Variants in GPHN observed in about 807,000 individuals in gnomAD.
GPHN encodes gephyrin.
A neutral mutation model predicts 95.5 loss-of-function variants in GPHN; 17 were observed. That is an observed-to-expected ratio of 0.18 (90% CI 0.12 to 0.27). The LOEUF is 0.27. Ranked by LOEUF, GPHN falls within the 10% of genes least tolerant of loss-of-function variation. The pLI, the probability that GPHN is intolerant of heterozygous loss-of-function variation, is 1.00. For missense variants in GPHN, 660 were observed against 978.1 expected (o/e 0.67, Z 4.34); for synonymous variants, 320 against 322.5 (o/e 0.99, Z 0.08).
the GPHN span, chr14:67,384,459 C>T: frequency 4.6e-5 from 7 of 151,336 alleles, no homozygotes; most frequent in Non-Finnish European, 7.4e-5. Context: ...TTTGAAGTTA[C>T]AGCTACAGTA....
chr14:67,649,380 C>A, the GPHN span: 1 of 152,038 alleles, frequency 6.6e-6, no homozygotes, highest in Admixed American at 6.6e-5. Context: ...AGCCAGGTGT[C>A]CCAACTACTT....
the GPHN span, among the ~76,000 whole-genome samples, chr14:67,732,126 CAAAAAA>C: frequency 1.3e-5 from 1 of 77,528 alleles, no homozygotes; most frequent in African/African-American, 5.4e-5. Context: ...GACTCTGTCT[CAAAAAA>C]AAAAAAAAAA....
chr14:67,089,133 C>CTTTTTTTTTTTT (rs1163483546), intron 12 of GPHN, 58 bp downstream of exon 12: 186 of 200,308 alleles, frequency 9.3e-4, no homozygotes, highest in Middle Eastern at 1.6e-3. Context: ...TTCTTTTTTT[C>CTTTTTTTTTTTT]TTTTTTTTTT....
At chr14:67,468,123 G>A in the GPHN span, among the ~76,000 whole-genome samples, 1 of 152,042 alleles carries the variant, frequency 6.6e-6, no homozygotes, top group Non-Finnish European at 1.5e-5. Flanking sequence ...ACAGGCATAC[G>A]CTACCACACC....
At chr14:67,490,802 T>C in the GPHN span, among the ~76,000 whole-genome samples, 1 of 151,642 alleles carries the variant, frequency 6.6e-6, no homozygotes, top group Admixed American at 6.6e-5. Flanking sequence ...TCCTTAACAC[T>C]CCCCAAATCT....
intron 20 of GPHN, among the ~76,000 whole-genome samples, chr14:67,167,634 G>A (rs1329785992): frequency 2.0e-5 from 3 of 152,134 alleles, no homozygotes; most frequent in Non-Finnish European, 4.4e-5. Flanking sequence ...GATGCAATAA[G>A]CAGTGTTTAG....
At chr14:67,732,440 A>G in the GPHN span, among the ~76,000 whole-genome samples, 1 of 151,902 alleles carries the variant, frequency 6.6e-6, no homozygotes, top group Non-Finnish European at 1.5e-5. Flanking sequence ...AAAAAAAAAA[A>G]AAAAATCCTC....
At chr14:66,956,224 A>G (rs2068496433) in intron 8 of GPHN, among the ~76,000 whole-genome samples, 1 of 152,212 alleles carries the variant, frequency 6.6e-6, no homozygotes, top group Non-Finnish European at 1.5e-5. Context: ...GTTTACAGCT[A>G]TAAGTTTCCC....
chr14:67,694,431 A>AAT, the GPHN span, among the ~76,000 whole-genome samples: 9,443 of 139,972 alleles, frequency 0.067, 454 homozygotes, highest in African/African-American at 0.13. Context: ...CAGCTCCTGG[A>AAT]ATATATATAT....
intron 8 of GPHN, among the ~76,000 whole-genome samples, chr14:66,957,894 A>AGG: frequency 6.6e-6 from 1 of 152,180 alleles, no homozygotes; most frequent in Non-Finnish European, 1.5e-5. Context: ...CATGAATGCA[A>AGG]GGGATCTAAG....
the GPHN span, among the ~76,000 whole-genome samples, chr14:67,440,766 A>C: frequency 6.6e-6 from 1 of 150,878 alleles, no homozygotes. Context: ...AAAAAAAGAG[A>C]CACTCCCAGT....
rs182148790 is a variant in GPHN, at chr14:66,559,618, C to T, written c.64+51027C>T. 1.2e-3 allele frequency among the ~76,000 whole-genome samples: 178 copies of T among 151,708 alleles called. 2 individuals carry two copies. The highest frequency in any genetic ancestry group is 1.4e-3 in the Admixed American group (22 of 15,230). On this transcript the variant is annotated intron_variant, in intron 1 of 22. Coordinates refer to ENST00000478722, the MANE Select transcript of GPHN (RefSeq NM_020806.5). ...TTTTTCTTGTAAATTTGTTTGAGTT[C>T]ATTGAAGATTCTGGATATTAGCCCC...
intron 1 of GPHN, among the ~76,000 whole-genome samples, chr14:66,555,154 G>A (rs941549316): frequency 1.3e-5 from 2 of 152,090 alleles, no homozygotes; most frequent in Non-Finnish European, 1.5e-5. Context: ...AGTACTTAAC[G>A]TTTATTGTGT....
the GPHN span, among the ~76,000 whole-genome samples, chr14:67,275,855 A>T: frequency 6.6e-6 from 1 of 152,024 alleles, no homozygotes; most frequent in Non-Finnish European, 1.5e-5. Context: ...TTGGGAGGGT[A>T]TATGTGTCCA....
intron 2 of GPHN, among the ~76,000 whole-genome samples, chr14:66,718,360 C>T (rs1022243341): frequency 7.2e-5 from 11 of 152,166 alleles, no homozygotes; most frequent in African/African-American, 2.6e-4. Flanking sequence ...GTTGTTTGTT[C>T]CTCCCGATGG....
Position 66,847,110 on chromosome 14 carries a change from A to C in GPHN, c.294+22544A>C, listed in dbSNP as rs190865472. On this transcript the variant is annotated intron_variant, in intron 4 of 22. Transcript: ENST00000478722. ...CTCAGTACTTCACACTGATTCCTTT[A>C]GGATAAACTTTACTAACACATTTTT... 2.4e-3 allele frequency among the ~76,000 whole-genome samples: 364 copies of C among 152,238 alleles called. 4 individuals are homozygous for C. The highest frequency in any genetic ancestry group is 8.3e-3 in the African/African-American group (343 of 41,566).
At chr14:66,739,778 C>G (rs1205394647) in intron 2 of GPHN, among the ~76,000 whole-genome samples, 3 of 151,676 alleles carry the variant, frequency 2.0e-5, no homozygotes. Context: ...CTGAATCAAC[C>G]CTACATAGAC....
At chr14:66,555,301 T>G (rs986738698) in intron 1 of GPHN, among the ~76,000 whole-genome samples, 4 of 152,212 alleles carry the variant, frequency 2.6e-5, no homozygotes, top group African/African-American at 9.6e-5. Context: ...ATAATATTAC[T>G]GAGTAATAAT....
chr14:66,791,084 T>G (rs1330486612), intron 3 of GPHN, among the ~76,000 whole-genome samples: 1 of 152,204 alleles, frequency 6.6e-6, no homozygotes, highest in African/African-American at 2.4e-5. Flanking sequence ...CCCAAGTTCA[T>G]TCAAGCATCC....
Sources: gnomAD v4.1 joint callset for allele counts (sites outside exome capture counted in the v4.1 genomes callset) on GRCh38, gnomAD v4.1.1 for gene constraint, MANE v1.5 for transcripts, NCBI Gene and HGNC (gene_info 2026-07-23, HGNC 2026-07-21) for gene names.